POLR1C: variants seen among roughly 807,000 people sequenced by gnomAD.
POLR1C encodes the protein DNA-directed RNA polymerases I and III subunit RPAC1.
POLR1C carries 42 observed loss-of-function variants against 38.3 expected under a neutral mutation model. The ratio of observed to expected loss-of-function variants is 1.10; its 90% CI spans 0.86 to 1.42. The LOEUF (loss-of-function observed/expected upper bound fraction) is 1.42. Ranked by LOEUF, POLR1C falls within the 40% of genes most tolerant of loss-of-function variation. POLR1C has a pLI of 0.00. For missense variants in POLR1C, 507 were observed against 450.5 expected (o/e 1.13, Z -1.14); for synonymous variants, 163 against 163.9 (o/e 0.99, Z 0.04).
intron 9 of POLR1C, among the ~76,000 whole-genome samples, chr6:43,550,746 C>T (rs1245564260): frequency 6.6e-6 from 1 of 152,170 alleles, no homozygotes; most frequent in African/African-American, 2.4e-5. Context: ...AATACTCATG[C>T]TTTCTCTTCT....
chr6:43,546,499 A>T, intron 9 of POLR1C: 1 of 1,466,412 alleles, frequency 6.8e-7, no homozygotes, highest in Non-Finnish European at 9.1e-7. Flanking sequence ...GAAGACATGT[A>T]AACAGACTAA....
chr6:43,534,047 T>C, downstream of POLR1C: 1 of 1,487,908 alleles, frequency 6.7e-7, no homozygotes, highest in Non-Finnish European at 9.3e-7. Context: ...TTCCATCTGA[T>C]GCAGAAGGAA....
At chr6:43,556,157 T>A in intron 10 of POLR1C, 1 of 655,410 alleles carries the variant, frequency 1.5e-6, no homozygotes, top group Non-Finnish European at 2.4e-6. Flanking sequence ...ATAAATGATC[T>A]CTGGAAACTG....
rs756210227 is a variant in POLR1C at position 43,551,431 on chromosome 6, A to G, written c.*48+420A>G. On this transcript the variant is annotated intron_variant, in intron 10 of 10. Coordinates refer to the POLR1C transcript ENST00000607635. ...GTTCAGAACCATCTGCAATAGCTCT[A>G]TTCCATCATTAACAGGAATTTCCTG... The G allele has an allele frequency of 5.0e-6, 8 of 1,613,430 alleles. No homozygotes were observed. In the African/African-American group the frequency reaches 9.3e-5, roughly 19 times the overall value.
At chr6:43,558,529 G>A (rs764721782) in intron 10 of POLR1C, 43 of 1,603,908 alleles carry the variant, frequency 2.7e-5, no homozygotes, top group Middle Eastern at 1.6e-4. Flanking sequence ...AGTCCTCATC[G>A]CTATCAAAAT....
intron 8 of POLR1C, chr6:43,527,426 A>G: frequency 2.1e-6 from 1 of 481,762 alleles, no homozygotes; most frequent in South Asian, 2.2e-5. Flanking sequence ...CCTGCGCGCC[A>G]CTACGCCCAG....
chr6:43,551,438 CATT>C, intron 10 of POLR1C: 1 of 1,612,660 alleles, frequency 6.2e-7, no homozygotes, highest in Non-Finnish European at 8.5e-7. Context: ...TCTATTCCAT[CATT>C]AACAGGAATT....
At position 43,520,920 on chromosome 6, in the gene POLR1C, T is replaced by C; in HGVS notation, c.806-12T>C. 1 of 1,612,760 alleles carries C rather than the reference T, an allele frequency of 6.2e-7. No individual in the cohort carries two copies. The highest frequency in any genetic ancestry group is 8.5e-7 in the Non-Finnish European group (1 of 1,178,720). ...GAAAAAGGAATAAAAAAACATGGTTTGTTCTCATTAGGTAAAAAGGTGGCC... is the reference window on the plus strand; with the variant it reads ...GAAAAAGGAATAAAAAAACATGGTTCGTTCTCATTAGGTAAAAAGGTGGCC... On this transcript the variant is annotated splice_polypyrimidine_tract_variant and intron_variant, in intron 7 of 8. Coordinates refer to ENST00000642195, the MANE Select transcript of POLR1C (RefSeq NM_203290.4).
At chr6:43,523,731 A>G, downstream of POLR1C, 2 of 1,415,298 alleles carry the variant, frequency 1.4e-6, no homozygotes, top group Non-Finnish European at 2.0e-6. Context: ...TGTTCTCTCC[A>G]GCTCCAGACC....
At chr6:43,528,840 G>T (rs1479829807) in intron 8 of POLR1C, 1 of 1,613,794 alleles carries the variant, frequency 6.2e-7, no homozygotes, top group South Asian at 1.1e-5. Flanking sequence ...TATGGAGGTA[G>T]GTGAAAAGAG....
chr6:43,547,730 C>A, intron 9 of POLR1C: 5 of 1,600,740 alleles, frequency 3.1e-6, no homozygotes, highest in Non-Finnish European at 4.3e-6. Context: ...GGGGGAAAAA[C>A]AAGTTACATC....
At chr6:43,555,172 C>A (rs774169590) in intron 10 of POLR1C, 1 of 152,174 alleles carries the variant, frequency 6.6e-6, no homozygotes, top group Non-Finnish European at 1.5e-5. Flanking sequence ...AAACTCTCGA[C>A]CTCAGGTGAT....
intron 9 of POLR1C, chr6:43,538,887 G>A (rs1458525019): frequency 2.4e-6 from 3 of 1,276,154 alleles, no homozygotes; most frequent in African/African-American, 2.9e-5. Context: ...GTCTTGACGA[G>A]GTGGTCAGTG....
Position 43,521,034 on chromosome 6 carries a change from G to A in POLR1C, c.908G>A (p.Arg303Gln), listed in dbSNP as rs749189234. The stretch of plus-strand genomic sequence containing the variant: ...AAGGTTGTGAGGCTTGCCCGGGTTC[G>A]AGATCATTATATCTGTGAGTATGAA... ...LKKVVRLARV[R>Q]DHYIFSVEST... is the part of the protein sequence containing the mutation. The change falls in exon 8 of 9, where the codon CGA (arginine) becomes CAA (glutamine). Residue 303 changes from arginine to glutamine, a missense_variant. Arg to Gln is a conservative substitution (Grantham distance 43). Coordinates refer to ENST00000642195, the MANE Select transcript of POLR1C (RefSeq NM_203290.4). 2.0e-5 allele frequency: 32 copies of A among 1,613,626 alleles called. No individual in the cohort carries two copies. The highest frequency in any genetic ancestry group is 2.5e-5 in the Non-Finnish European group (30 of 1,179,676).
intron 9 of POLR1C, among the ~76,000 whole-genome samples, chr6:43,536,621 T>C (rs1265344436): frequency 6.6e-6 from 1 of 150,538 alleles, no homozygotes; most frequent in Non-Finnish European, 1.5e-5. Flanking sequence ...TAGCCAGGCA[T>C]GGTGGCACAC....
intron 2 of POLR1C, among the ~76,000 whole-genome samples, chr6:43,517,684 G>A (rs1251120766): frequency 6.6e-6 from 1 of 152,116 alleles, no homozygotes; most frequent in Admixed American, 6.5e-5. Context: ...CCAGGAAGAG[G>A]GGCGGAGAGG....
At chr6:43,561,146 A>T (rs564765147) in intron 10 of POLR1C, 16 of 683,916 alleles carry the variant, frequency 2.3e-5, no homozygotes, top group Non-Finnish European at 3.5e-5. Flanking sequence ...TTTTGGCTAA[A>T]GAAAGGCATC....
At chr6:43,549,966 G>A (rs918765972) in intron 9 of POLR1C, 1 of 1,604,998 alleles carries the variant, frequency 6.2e-7, no homozygotes, top group Non-Finnish European at 8.5e-7. Flanking sequence ...GGTCACTCAT[G>A]TTTATTTGTT....
In POLR1C at chr6:43,544,263, C is replaced by T. The variant is rs570497672; in HGVS notation, c.*5-6705C>T. 5.0e-4 allele frequency: 81 copies of T among 161,862 alleles called. 1 individual carries two copies. The highest frequency in any genetic ancestry group is 8.9e-4 in the South Asian group (5 of 5,640). 10.0% of individuals were successfully genotyped at this position (161,862 alleles called of 1,614,324 possible). On this transcript the variant is annotated intron_variant, in intron 9 of 10. Transcript: ENST00000607635. ...ATAAATTCAAGACCTACTTATCTAC[C>T]GACAGCAATTATACACTTTCCATTG...
Sources: allele counts gnomAD v4.1 joint callset (sites outside exome capture counted in the v4.1 genomes callset), GRCh38; gene constraint gnomAD v4.1.1; transcripts MANE v1.5; gene names NCBI Gene and HGNC (gene_info 2026-07-23, HGNC 2026-07-21).